CEP85L: variants seen among roughly 807,000 people sequenced by gnomAD.
CEP85L encodes the protein centrosomal protein 85L, also known as centrosomal protein of 85 kDa-like.
Under a neutral mutation model 100.3 loss-of-function variants are expected in CEP85L, and 60 were observed. That is an observed-to-expected ratio of 0.60 (90% CI 0.49 to 0.74). The LOEUF is 0.74. Among genes scored for constraint, CEP85L ranks in the 30% least tolerant of loss-of-function variants. The pLI, the probability that CEP85L is intolerant of heterozygous loss-of-function variation, is 0.00. For synonymous variants in CEP85L, 319 were observed against 322.7 expected (o/e 0.99, Z 0.12); for missense variants, 973 against 936.2 (o/e 1.04, Z -0.51).
chr6:118,469,316 A>G lies in CEP85L; in HGVS notation c.2023-13T>C. ...TTTGTCTTTGGTTCTGCAAGGATAA[A>G]GAAAACAAACATCAGATTGTTAGAA... is the stretch of plus-strand genomic sequence containing the variant. On this transcript the variant is annotated splice_polypyrimidine_tract_variant and intron_variant, in intron 11 of 12. Coordinates refer to ENST00000368491, the MANE Select transcript of CEP85L (RefSeq NM_001042475.3). The G allele has an allele frequency of 6.3e-7, 1 of 1,598,560 alleles. No homozygotes were observed. Among genetic ancestry groups the G allele is most frequent in the Non-Finnish European group, 8.6e-7 (1 of 1,166,040 alleles).
At chr6:118,656,191 A>G (rs1027469007), upstream of CEP85L, among the ~76,000 whole-genome samples, 1 of 152,190 alleles carries the variant, frequency 6.6e-6, no homozygotes, top group African/African-American at 2.4e-5. Context: ...AGATAGATAA[A>G]CAGGGTTTTG....
At chr6:118,496,474 C>A (rs1272383418) in intron 5 of CEP85L, among the ~76,000 whole-genome samples, 1 of 151,954 alleles carries the variant, frequency 6.6e-6, no homozygotes, top group African/African-American at 2.4e-5. Context: ...CCTGTCTCAG[C>A]CTCCTGAGTA....
intron 2 of CEP85L, among the ~76,000 whole-genome samples, chr6:118,628,588 T>C (rs970979974): frequency 6.7e-6 from 1 of 148,436 alleles, no homozygotes; most frequent in African/African-American, 2.5e-5. Flanking sequence ...CCAGCCAAGA[T>C]CACACCACTA....
chr6:118,657,454 C>G, upstream of CEP85L, among the ~76,000 whole-genome samples: 1 of 152,090 alleles, frequency 6.6e-6, no homozygotes, highest in East Asian at 1.9e-4. Flanking sequence ...CCCCTCTCTA[C>G]TAAAAAAATA....
chr6:118,688,558 G>A (rs1204574915), intron 1 of CEP85L, among the ~76,000 whole-genome samples: 1 of 152,190 alleles, frequency 6.6e-6, no homozygotes, highest in Non-Finnish European at 1.5e-5. Flanking sequence ...TATTCAGTTT[G>A]TAAATTTATA....
At chr6:118,638,156 G>C (rs1774629389) in intron 1 of CEP85L, among the ~76,000 whole-genome samples, 1 of 151,398 alleles carries the variant, frequency 6.6e-6, no homozygotes, top group Admixed American at 6.6e-5. Flanking sequence ...AGGTAAGATT[G>C]CTTAAGCCCA....
chr6:118,475,799 T>G (rs1773324822), intron 10 of CEP85L, among the ~76,000 whole-genome samples: 1 of 152,188 alleles, frequency 6.6e-6, no homozygotes, highest in Non-Finnish European at 1.5e-5. Context: ...CTAAACTTGT[T>G]TTTTAAATTT....
rs866877412 is a variant in CEP85L, at chr6:118,614,865, C to T, written c.232+17588G>A. ...ATTCATTCATAGACAGACAGACAGA[C>T]AGATAGATAGATAGATAGATAGATA... On this transcript the variant is annotated intron_variant, in intron 2 of 12. Transcript: ENST00000368491. 7.3e-3 allele frequency among the ~76,000 whole-genome samples: 1,094 copies of T among 149,962 alleles called. 4 individuals carry two copies. The highest frequency in any genetic ancestry group is 0.011 in the Admixed American group (161 of 14,942).
intron 2 of CEP85L, among the ~76,000 whole-genome samples, chr6:118,588,646 C>T (rs905773093): frequency 6.6e-6 from 1 of 152,172 alleles, no homozygotes; most frequent in Non-Finnish European, 1.5e-5. Flanking sequence ...AATTGGTTAG[C>T]CCCTTTATTA....
At chr6:118,544,253 G>A (rs2114894819) in intron 3 of CEP85L, among the ~76,000 whole-genome samples, 1 of 152,208 alleles carries the variant, frequency 6.6e-6, no homozygotes, top group South Asian at 2.1e-4. Context: ...GAGACCTAAG[G>A]GTTGGTTTTT....
chr6:118,599,760 A>G (rs1443160422), intron 2 of CEP85L, among the ~76,000 whole-genome samples: 2 of 152,240 alleles, frequency 1.3e-5, no homozygotes, highest in Non-Finnish European at 2.9e-5. Context: ...GAATATTTTC[A>G]TATCTGTAGT....
At chr6:118,475,757 A>G (rs893665582) in intron 10 of CEP85L, among the ~76,000 whole-genome samples, 1 of 152,164 alleles carries the variant, frequency 6.6e-6, no homozygotes, top group Non-Finnish European at 1.5e-5. Context: ...AATATGTTAA[A>G]TGTGTTTGAT....
chr6:118,595,032 A>G (rs992312819), intron 2 of CEP85L, among the ~76,000 whole-genome samples: 8 of 151,898 alleles, frequency 5.3e-5, no homozygotes, highest in Admixed American at 2.6e-4. Context: ...TTTTTGCCTC[A>G]AGGTCCTATA....
At chr6:118,707,786 C>A (rs1211493469) in intron 1 of CEP85L, among the ~76,000 whole-genome samples, 1 of 151,980 alleles carries the variant, frequency 6.6e-6, no homozygotes, top group African/African-American at 2.4e-5. Context: ...ATACGTAAAA[C>A]CTTAATTCAC....
chr6:118,533,488 T>C (rs1213005351), intron 3 of CEP85L, among the ~76,000 whole-genome samples: 3 of 150,708 alleles, frequency 2.0e-5, no homozygotes, highest in Non-Finnish European at 1.5e-5. Flanking sequence ...CCCAAAAAAA[T>C]CTCTAGGTCC....
intron 2 of CEP85L, among the ~76,000 whole-genome samples, chr6:118,627,265 T>C (rs911841578): frequency 5.3e-5 from 8 of 151,036 alleles, no homozygotes; most frequent in Non-Finnish European, 8.8e-5. Flanking sequence ...AAGAGACATT[T>C]CACTGAAGAA....
At chr6:118,612,347 T>C (rs1342103601) in intron 2 of CEP85L, among the ~76,000 whole-genome samples, 1 of 151,796 alleles carries the variant, frequency 6.6e-6, no homozygotes, top group Non-Finnish European at 1.5e-5. Flanking sequence ...GAGGAAAATT[T>C]ATAATAGCAT....
chr6:118,477,012 C>T (rs764879614), intron 10 of CEP85L, among the ~76,000 whole-genome samples: 37 of 152,130 alleles, frequency 2.4e-4, no homozygotes, highest in Non-Finnish European at 4.3e-4. Flanking sequence ...CAATGAAGAA[C>T]TCAATCACAT....
chr6:118,470,444 T>C, intron 11 of CEP85L, 93 bp downstream of exon 11: 1 of 592,738 alleles, frequency 1.7e-6, no homozygotes, highest in Non-Finnish European at 2.8e-6. Context: ...CAAAATCATG[T>C]CTTTAATCTG....
Sources: gnomAD v4.1 joint callset for allele counts (sites outside exome capture counted in the v4.1 genomes callset) on GRCh38, gnomAD v4.1.1 for gene constraint, MANE v1.5 for transcripts, NCBI Gene and HGNC (gene_info 2026-07-23, HGNC 2026-07-21) for gene names.